SSBP3: variants seen among roughly 807,000 people sequenced by gnomAD.
SSBP3 encodes the protein single stranded DNA binding protein 3, also known as single-stranded DNA-binding protein 3.
SSBP3 carries 5 observed loss-of-function variants against 69.6 expected under a neutral mutation model. The observed-to-expected ratio is 0.07, with a 90% CI of 0.04 to 0.15. SSBP3 has a LOEUF of 0.15. Ranked by LOEUF, SSBP3 falls within the 10% of genes least tolerant of loss-of-function variation. The pLI is 1.00. For synonymous variants in SSBP3, 196 were observed against 193.4 expected, an observed-to-expected ratio of 1.01 and a Z score of -0.11; for missense variants, 312 against 534.0, an observed-to-expected ratio of 0.58 and a Z score of 4.10.
chr1:54,330,790 A>C (rs1276217521), intron 4 of SSBP3, among the ~76,000 whole-genome samples: 1 of 152,186 alleles, frequency 6.6e-6, no homozygotes, highest in Non-Finnish European at 1.5e-5. Context: ...CCACGTCAAA[A>C]CCAGGCAGCA....
chr1:54,327,251 A>AGGAAGGAAGGAAGGAG (rs1646324913), intron 4 of SSBP3, among the ~76,000 whole-genome samples: 2 of 151,600 alleles, frequency 1.3e-5, no homozygotes, highest in East Asian at 1.9e-4. Flanking sequence ...GAAGGAAGGA[A>AGGAAGGAAGGAAGGAG]GGAAGGAAGG....
At chr1:54,242,101 A>AGCTCCCCTGCACCCAGAACC (rs1440190025) in intron 11 of SSBP3, 63 bp downstream of exon 11, 4 of 1,581,094 alleles carry the variant, frequency 2.5e-6, no homozygotes, top group East Asian at 2.2e-5. Flanking sequence ...CAGGGACAGT[A>AGCTCCCCTGCACCCAGAACC]GCTCCCCTGC....
intron 4 of SSBP3, among the ~76,000 whole-genome samples, chr1:54,344,009 G>A (rs1646650524): frequency 6.8e-6 from 1 of 147,264 alleles, no homozygotes; most frequent in Admixed American, 6.6e-5. Context: ...AGGAGAAAAA[G>A]AAGAGATGGT....
chr1:54,347,369 T>TA (rs1557551956), intron 4 of SSBP3, among the ~76,000 whole-genome samples: 4 of 147,458 alleles, frequency 2.7e-5, no homozygotes, highest in African/African-American at 1.0e-4. Flanking sequence ...TGTCCCCTTT[T>TA]TAAAAAAAAA....
intron 5 of SSBP3, among the ~76,000 whole-genome samples, chr1:54,259,332 G>A (rs1030089206): frequency 2.0e-5 from 3 of 152,172 alleles, no homozygotes; most frequent in Admixed American, 6.5e-5. Flanking sequence ...TAAGGCAGGT[G>A]TCTTTCATGA....
chr1:54,308,011 C>T (rs777760541), intron 4 of SSBP3, among the ~76,000 whole-genome samples: 5 of 152,128 alleles, frequency 3.3e-5, no homozygotes, highest in African/African-American at 4.8e-5. Flanking sequence ...CTTTCTTGTG[C>T]GAGATCCAAG....
intron 4 of SSBP3, among the ~76,000 whole-genome samples, chr1:54,337,901 G>C (rs1646538934): frequency 6.6e-6 from 1 of 152,200 alleles, no homozygotes; most frequent in African/African-American, 2.4e-5. Flanking sequence ...GGCCAAGGCA[G>C]GGGGATCACT....
chr1:54,406,958 G>A (rs1430372833), upstream of SSBP3, among the ~76,000 whole-genome samples: 1 of 151,084 alleles, frequency 6.6e-6, no homozygotes, highest in Non-Finnish European at 1.5e-5. Flanking sequence ...CCGGCCCCCA[G>A]CCCGCCCCGC....
chr1:54,404,819 G>C lies in SSBP3; in HGVS notation c.129+39C>G, dbSNP rs573856068. 2.8e-6 allele frequency: 3 copies of C among 1,080,050 alleles called. No individual in the cohort carries two copies. The South Asian group carries it at 3.9e-5, about 14-fold the overall frequency. 66.9% of individuals were successfully genotyped at this position (1,080,050 alleles called of 1,614,324 possible). On this transcript the variant is annotated intron_variant, in intron 2 of 17. Coordinates refer to ENST00000610401, the Ensembl canonical transcript of SSBP3. ...GGCTCTAAGAATAGTGGGGGGGGGG[G>C]GTGTCAAGAAATTGGATGCTGGGGG...
At chr1:54,257,263 A>G (rs902538996) in intron 6 of SSBP3, 77 bp from the exon 7 acceptor site, 2 of 1,322,154 alleles carry the variant, frequency 1.5e-6, no homozygotes, top group African/African-American at 1.5e-5. Flanking sequence ...TCCACTCCAC[A>G]AAGTCCAGTT....
intron 5 of SSBP3, among the ~76,000 whole-genome samples, chr1:54,266,036 G>A (rs1041842751): frequency 1.3e-5 from 2 of 152,240 alleles, no homozygotes; most frequent in Non-Finnish European, 2.9e-5. Context: ...AACAAAGGGA[G>A]GAAACATGGC....
chr1:54,298,194 G>A (rs1056348542), intron 4 of SSBP3, among the ~76,000 whole-genome samples: 35 of 152,140 alleles, frequency 2.3e-4, no homozygotes, highest in Admixed American at 2.3e-3. Flanking sequence ...CAAGCAGACC[G>A]AGGCTCTGAA....
At position 54,258,183 on chromosome 1, in the gene SSBP3, T is replaced by A; in HGVS notation, c.367-34A>T. 7.1e-7 allele frequency: 1 copy of A among 1,413,086 alleles called. No homozygotes were observed. Among genetic ancestry groups the A allele is most frequent in the Non-Finnish European group, 9.4e-7 (1 of 1,067,196 alleles). 87.5% of individuals were successfully genotyped at this position (1,413,086 alleles called of 1,614,324 possible). A position where few individuals can be genotyped will look rare whatever the true frequency, so the allele number is the denominator to read the frequency against. The stretch of plus-strand genomic sequence containing the variant: ...CCAGACAGTAGAGGCAGGTTATAGA[T>A]CACAGCACATGGAGAAGCGCAGAAG... On this transcript the variant is annotated intron_variant, in intron 5 of 17. Transcript: ENST00000610401. This position sits in a 1 kb window ranked among gnomAD's most constrained non-coding sequence, Gnocchi z 4.5.
intron 4 of SSBP3, among the ~76,000 whole-genome samples, chr1:54,339,156 G>T (rs1396870096): frequency 6.6e-6 from 1 of 151,744 alleles, no homozygotes; most frequent in East Asian, 1.9e-4. Flanking sequence ...GGTGCAATCT[G>T]TAACAGAAAA....
chr1:54,391,541 C>A (rs921410361), intron 4 of SSBP3, among the ~76,000 whole-genome samples: 5 of 152,248 alleles, frequency 3.3e-5, no homozygotes, highest in Admixed American at 6.5e-5. Flanking sequence ...CTGCTCCCCC[C>A]TCTCCACTGC....
chr1:54,316,658 AATAAAATAAAT>A (rs571117142), intron 4 of SSBP3, among the ~76,000 whole-genome samples: 4,139 of 50,100 alleles, frequency 0.083, 451 homozygotes, highest in East Asian at 0.09. Flanking sequence ...AAAAAAAAAA[AATAAAATAAAT>A]AAATAAATAA....
intron 4 of SSBP3, among the ~76,000 whole-genome samples, chr1:54,363,447 T>C (rs556897647): frequency 2.6e-5 from 4 of 152,330 alleles, no homozygotes; most frequent in Non-Finnish European, 5.9e-5. Flanking sequence ...ATGACTATGC[T>C]ACCAAATCAG....
At chr1:54,389,377 G>C (rs533358115) in intron 4 of SSBP3, among the ~76,000 whole-genome samples, 1 of 152,166 alleles carries the variant, frequency 6.6e-6, no homozygotes, top group South Asian at 2.1e-4. Context: ...TTTTCTTCCT[G>C]GACGAGGTCA....
intron 4 of SSBP3, among the ~76,000 whole-genome samples, chr1:54,346,203 T>C (rs115945627): frequency 0.034 from 5,158 of 151,478 alleles, 312 homozygotes; most frequent in African/African-American, 0.12. Flanking sequence ...CATGTGCTTG[T>C]AGTACCATCT....
Sources: gnomAD v4.1 joint callset for allele counts (sites outside exome capture counted in the v4.1 genomes callset) on GRCh38, gnomAD v4.1.1 for gene constraint, Gnocchi (gnomAD v3.1) non-coding constraint, MANE v1.5 for transcripts, NCBI Gene and HGNC (gene_info 2026-07-23, HGNC 2026-07-21) for gene names.